The following DMXL2 variants were observed in gnomAD, a reference collection of about 807,000 sequenced individuals.
DMXL2 encodes the protein Dmx like 2.
In DMXL2, 103 loss-of-function variants were observed where a neutral mutation model predicts 331.1. That is an observed-to-expected ratio of 0.31 (90% confidence interval 0.27 to 0.37). DMXL2 has a LOEUF of 0.37. DMXL2 is among the 10% of genes least tolerant of loss of function. The pLI is 1.00. For synonymous variants in DMXL2, 1,281 were observed against 1,252.1 expected (o/e 1.02, Z -0.49); for missense variants, 3,171 against 3,642.9 (o/e 0.87, Z 3.33).
chr15:51,465,861 A>G (rs891107409), intron 30 of DMXL2, among the ~76,000 whole-genome samples: 7 of 152,226 alleles, frequency 4.6e-5, no homozygotes, highest in African/African-American at 1.7e-4. Flanking sequence ...TACCTCGTGG[A>G]AAAAGATTAA....
intron 25 of DMXL2, among the ~76,000 whole-genome samples, chr15:51,478,564 TCAAA>T (rs946834032): frequency 2.0e-5 from 3 of 152,282 alleles, no homozygotes; most frequent in Admixed American, 1.3e-4. Flanking sequence ...CACATTTTAA[TCAAA>T]CAGTTACTTA....
chr15:51,585,515 T>C (rs1427746749), intron 1 of DMXL2, among the ~76,000 whole-genome samples: 1 of 152,208 alleles, frequency 6.6e-6, no homozygotes, highest in African/African-American at 2.4e-5. Context: ...TTTCAAACAA[T>C]GCTTCGATGA....
chr15:51,525,653 C>T (rs775853085), intron 13 of DMXL2, among the ~76,000 whole-genome samples: 6 of 152,102 alleles, frequency 3.9e-5, no homozygotes, highest in Admixed American at 1.3e-4. Flanking sequence ...TGGTAGTAGT[C>T]TGGAAGTACT....
At chr15:51,503,741 A>G (rs1473288280) in intron 16 of DMXL2, among the ~76,000 whole-genome samples, 2 of 152,230 alleles carry the variant, frequency 1.3e-5, no homozygotes, top group Non-Finnish European at 2.9e-5. Flanking sequence ...AAGAAACAAT[A>G]AATTTCAAGG....
rs533771747 is a variant in DMXL2 at position 51,448,987 on chromosome 15, T to C, written c.9174A>G (p.Leu3058=). The C allele has an allele frequency of 5.0e-6, 8 of 1,614,016 alleles. No individual in the cohort carries two copies. In the African/African-American group the frequency reaches 5.3e-5, roughly 11 times the overall value. ...TATAAAAATAAAACCCCAATCTTTA[T>C]AGAATGTCAAGAATTCTGTTAGGGA... ...FNIPNRILDI[L] Residue 3058 remains leucine, a synonymous_variant, in exon 44 of 44, where the codon CTA becomes CTG. Transcript: ENST00000560891.
chr15:51,563,876 T>G (rs1162518269), intron 5 of DMXL2, among the ~76,000 whole-genome samples: 1 of 152,100 alleles, frequency 6.6e-6, no homozygotes, highest in Non-Finnish European at 1.5e-5. Context: ...GTATTTCCTA[T>G]GTATCAACCC....
intron 13 of DMXL2, among the ~76,000 whole-genome samples, chr15:51,521,622 G>T (rs1465899731): frequency 6.6e-6 from 1 of 152,084 alleles, no homozygotes; most frequent in East Asian, 1.9e-4. Context: ...AGAAGGAATG[G>T]ACAGCATCAA....
rs1234053055 is a variant in DMXL2, at chr15:51,458,752, A to G, written c.8033T>C (p.Ile2678Thr). Residue 2678 changes from isoleucine (I) to threonine (T), a missense_variant, in exon 35 of 44, where the codon ATC becomes ACC. Ile to Thr is a moderately conservative substitution (Grantham distance 89). Coordinates refer to ENST00000560891, the MANE Select transcript of DMXL2 (RefSeq NM_001378457.1). ...LGYPGGKAKV[I>T]HKESDMIMAF... is the part of the protein sequence containing the mutation. ...CATGATCATATCAGATTCCTTATGGATGACTTTCGCCTTTCCACCTGGATA... is the reference window on the plus strand; with the variant it reads ...CATGATCATATCAGATTCCTTATGGGTGACTTTCGCCTTTCCACCTGGATA... 6.2e-7 allele frequency: 1 copy of G among 1,614,046 alleles called. No homozygotes were observed. The highest frequency in any genetic ancestry group is 1.1e-5 in the South Asian group (1 of 91,082).
At chr15:51,622,377 A>C (rs2054707526) in intron 1 of DMXL2, 82 bp downstream of exon 1, 5 of 1,529,336 alleles carry the variant, frequency 3.3e-6, no homozygotes, top group South Asian at 2.4e-5. Context: ...CCTCCTGAGG[A>C]GGCGTGCGCC....
chr15:51,554,462 A>G (rs2140984841), intron 6 of DMXL2, among the ~76,000 whole-genome samples: 1 of 152,360 alleles, frequency 6.6e-6, no homozygotes, highest in South Asian at 2.1e-4. Context: ...AAAAAAAGAC[A>G]TGAATTATAT....
In DMXL2 at chr15:51,488,134, TAAACA is replaced by T; in HGVS notation, c.5052-20_5052-16del. On this transcript the variant is annotated splice_polypyrimidine_tract_variant and intron_variant, in intron 21 of 43. Coordinates refer to ENST00000560891, the MANE Select transcript of DMXL2 (RefSeq NM_001378457.1). ...CATGCTGTGACCTGGGGACCGAGCATAAACATAAAGTGGTTAAACCAAATTTAAAA... is the reference window on the plus strand; with the variant it reads ...CATGCTGTGACCTGGGGACCGAGCATTAAAGTGGTTAAACCAAATTTAAAA... The T allele has an allele frequency of 6.3e-7, 1 of 1,579,860 alleles. No homozygotes were observed. The highest frequency in any genetic ancestry group is 2.3e-5 in the East Asian group (1 of 44,168).
chr15:51,514,937 G>C (rs1243033586), intron 14 of DMXL2, among the ~76,000 whole-genome samples: 2 of 152,020 alleles, frequency 1.3e-5, no homozygotes, highest in Non-Finnish European at 2.9e-5. Context: ...GACTAGGGAG[G>C]GCTGCACTAT....
chr15:51,484,122 G>A (rs553321077), intron 23 of DMXL2, among the ~76,000 whole-genome samples: 8 of 151,976 alleles, frequency 5.3e-5, no homozygotes, highest in Admixed American at 2.0e-4. Context: ...CCATGCAATC[G>A]TGTCATGGGC....
At chr15:51,503,080 T>A in intron 16 of DMXL2, 47 bp from the exon 17 acceptor site, 1 of 1,203,620 alleles carries the variant, frequency 8.3e-7, no homozygotes, top group South Asian at 1.4e-5. Context: ...ATATCATTAC[T>A]ATAAATAGGA....
chr15:51,599,295 A>G (rs2053057287), intron 1 of DMXL2, among the ~76,000 whole-genome samples: 1 of 152,216 alleles, frequency 6.6e-6, no homozygotes, highest in African/African-American at 2.4e-5. Context: ...CTTTTAGTGG[A>G]CAAAGGTATT....
In DMXL2 at chr15:51,519,646, T is replaced by G. The variant is rs980685984; in HGVS notation, c.2437-2479A>C. Among the ~76,000 whole-genome samples the G allele has an allele frequency of 2.0e-4, 29 of 145,702 alleles. 1 individual carries two copies. The highest frequency in any genetic ancestry group is 2.4e-4 in the Non-Finnish European group (16 of 66,152). On this transcript the variant is annotated intron_variant, in intron 13 of 43. Transcript: ENST00000560891. ...TTGACAAAGTCTCTTGTTTTTTTTT[T>G]TTTTTTTTTTTTTGAGATGGAGTTT...
At chr15:51,508,171 C>T (rs1299302368) in intron 15 of DMXL2, among the ~76,000 whole-genome samples, 2 of 151,870 alleles carry the variant, frequency 1.3e-5, no homozygotes, top group Non-Finnish European at 2.9e-5. Context: ...ACATCAGGGC[C>T]TGTTTGGGGG....
chr15:51,556,295 A>C (rs1389389815), intron 6 of DMXL2, among the ~76,000 whole-genome samples: 1 of 149,256 alleles, frequency 6.7e-6, no homozygotes, highest in Non-Finnish European at 1.5e-5. Context: ...GTGAGCCGAG[A>C]TCGCGCCACT....
At chr15:51,537,804 ATT>A (rs2048366692) in intron 10 of DMXL2, 45 bp from the exon 11 acceptor site, 1 of 1,552,936 alleles carries the variant, frequency 6.4e-7, no homozygotes. Context: ...TAAATAATTC[ATT>A]TACATACTAG....
Sources: allele counts gnomAD v4.1 joint callset (sites outside exome capture counted in the v4.1 genomes callset), GRCh38; gene constraint gnomAD v4.1.1; transcripts MANE v1.5; gene names NCBI Gene and HGNC (gene_info 2026-07-23, HGNC 2026-07-21).